The following SGIP1 variants were observed in gnomAD, a reference collection of about 807,000 sequenced individuals.
SGIP1 encodes SH3GL interacting endocytic adaptor 1.
Under a neutral mutation model 107.5 loss-of-function variants are expected in SGIP1, and 38 were observed. The ratio of observed to expected loss-of-function variants is 0.35; its 90% CI spans 0.27 to 0.46. The LOEUF is 0.46. Ranked by LOEUF, SGIP1 falls within the 20% of genes least tolerant of loss-of-function variation. SGIP1 has a pLI of 1.00. For synonymous variants in SGIP1, 365 were observed against 366.1 expected (o/e 1.00, Z 0.03); for missense variants, 929 against 1,019.5 (o/e 0.91, Z 1.21).
At chr1:66,632,586 C>T (rs553245353) in intron 2 of SGIP1, among the ~76,000 whole-genome samples, 6 of 152,256 alleles carry the variant, frequency 3.9e-5, no homozygotes, top group East Asian at 1.9e-4. Flanking sequence ...CTGGGTAGTA[C>T]GCTTTTGATT....
rs1157317505 is a variant in SGIP1 at position 66,682,152 on chromosome 1, T to C, written c.1098T>C (p.Pro366=). The C allele has an allele frequency of 1.5e-5, 24 of 1,614,072 alleles. No homozygotes were observed. Among genetic ancestry groups the C allele is most frequent in the Non-Finnish European group, 1.9e-5 (23 of 1,180,038 alleles). ...CAGGCCCCCCAGGGCCTCCTGGGCC[T>C]CCTCGCAATGTACTATCGCCGCTCA... ...GPTGPPGPPG[P]PRNVLSPLNL... Residue 366 remains proline, a synonymous_variant, in exon 15 of 25, where the codon CCT becomes CCC. Transcript: ENST00000371037.
intron 9 of SGIP1, among the ~76,000 whole-genome samples, chr1:66,668,870 G>A (rs2083165391): frequency 6.6e-6 from 1 of 152,200 alleles, no homozygotes; most frequent in Non-Finnish European, 1.5e-5. Context: ...CATTGAAAGG[G>A]GGAAAATACA....
intron 1 of SGIP1, among the ~76,000 whole-genome samples, chr1:66,566,450 T>C (rs2059654055): frequency 1.3e-5 from 2 of 152,032 alleles, no homozygotes; most frequent in African/African-American, 4.8e-5. Context: ...TTCTGTGGGA[T>C]GAGTTCTTTC....
At chr1:66,659,190 C>T (rs925879408) in intron 7 of SGIP1, among the ~76,000 whole-genome samples, 2 of 151,882 alleles carry the variant, frequency 1.3e-5, no homozygotes, top group African/African-American at 2.4e-5. Context: ...AAAATGATTC[C>T]GAGGATAGTG....
At chr1:66,683,873 TTTTTCAGTAGAGACAGGG>T (rs1242567193) in intron 15 of SGIP1, among the ~76,000 whole-genome samples, 3 of 151,894 alleles carry the variant, frequency 2.0e-5, no homozygotes, top group Admixed American at 6.6e-5. Context: ...CCAGCTACTT[TTTTTCAGTAGAGACAGGG>T]TTTTCAGTAG....
At chr1:66,658,999 A>G (rs2080343081) in intron 7 of SGIP1, among the ~76,000 whole-genome samples, 1 of 152,194 alleles carries the variant, frequency 6.6e-6, no homozygotes, top group Non-Finnish European at 1.5e-5. Context: ...CAAGAGAGCC[A>G]GGAGAGTGCA....
chr1:66,583,137 T>C (rs1381984630), intron 1 of SGIP1, among the ~76,000 whole-genome samples: 2 of 152,112 alleles, frequency 1.3e-5, no homozygotes, highest in Non-Finnish European at 2.9e-5. Context: ...AAGTGAGATA[T>C]GTCTATGCTA....
chr1:66,729,184 A>G lies in SGIP1; in HGVS notation c.1743-80A>G, dbSNP rs145168361. 1.0e-4 allele frequency: 155 copies of G among 1,508,996 alleles called. 2 individuals carry two copies. The East Asian group carries it at 3.4e-3, about 33-fold the overall frequency. 93.5% of individuals were successfully genotyped at this position (1,508,996 alleles called of 1,614,324 possible). On this transcript the variant is annotated intron_variant, in intron 19 of 24. Coordinates refer to ENST00000371037, the MANE Select transcript of SGIP1 (RefSeq NM_032291.4). ...TCTGCTATTTAACATTGCCTCATAA[A>G]TTGTTTTTCACAGCAGTTTTGATTC...
chr1:66,560,713 TA>T (rs1214406737), intron 1 of SGIP1, among the ~76,000 whole-genome samples: 1 of 151,998 alleles, frequency 6.6e-6, no homozygotes, highest in Non-Finnish European at 1.5e-5. Flanking sequence ...TGTTACTTTT[TA>T]AAAAAAGAAA....
At chr1:66,634,060 A>G (rs764335446) in intron 3 of SGIP1, 58 of 1,585,060 alleles carry the variant, frequency 3.7e-5, no homozygotes, top group Non-Finnish European at 4.8e-5. Context: ...GGGTAACACT[A>G]TAATCAAGGC....
intron 1 of SGIP1, among the ~76,000 whole-genome samples, chr1:66,608,879 TG>T (rs2067362974): frequency 6.6e-6 from 1 of 151,822 alleles, no homozygotes; most frequent in Non-Finnish European, 1.5e-5. Flanking sequence ...GGGTGTTTGC[TG>T]TATGTATGAT....
intron 7 of SGIP1, among the ~76,000 whole-genome samples, chr1:66,644,563 T>A (rs888827681): frequency 9.5e-6 from 1 of 104,788 alleles, no homozygotes; most frequent in Non-Finnish European, 1.8e-5. Context: ...TTTAGAGAGA[T>A]GTGATCTCGT....
Position 66,583,580 on chromosome 1 carries a change from A to AC in SGIP1, c.11-42264dup, listed in dbSNP as rs1373369376. On this transcript the variant is annotated intron_variant, in intron 1 of 24. Transcript: ENST00000371037. ...CAAGCACAATCCTTTAAGCCCAAATACCCTTTCATTAGGTAAACTTAAGAG... is the reference window on the plus strand; with the variant it reads ...CAAGCACAATCCTTTAAGCCCAAATACCCCTTTCATTAGGTAAACTTAAGAG... Among the ~76,000 whole-genome samples, 7 of 152,184 alleles carry AC rather than the reference A, an allele frequency of 4.6e-5. No homozygotes were observed. In the South Asian group the frequency reaches 1.0e-3, roughly 23 times the overall value.
intron 19 of SGIP1, among the ~76,000 whole-genome samples, chr1:66,725,708 C>T (rs1009013871): frequency 6.6e-6 from 1 of 152,192 alleles, no homozygotes; most frequent in African/African-American, 2.4e-5. Context: ...AGGCAGTGAT[C>T]CCTAAAAGGG....
At chr1:66,670,180 TGGTGGC>T (rs1422952471) in intron 9 of SGIP1, among the ~76,000 whole-genome samples, 6 of 152,238 alleles carry the variant, frequency 3.9e-5, no homozygotes, top group African/African-American at 1.4e-4. Flanking sequence ...TCTAGTTTTC[TGGTGGC>T]ATCCCACACT....
intron 8 of SGIP1, among the ~76,000 whole-genome samples, chr1:66,663,179 A>G (rs1023475031): frequency 2.0e-5 from 3 of 152,080 alleles, no homozygotes; most frequent in African/African-American, 7.2e-5. Flanking sequence ...GTTTTCCAGA[A>G]TCTCACAATG....
chr1:66,719,139 T>C (rs2150428714), intron 18 of SGIP1, among the ~76,000 whole-genome samples, 155 bp from the exon 19 acceptor site: 1 of 152,306 alleles, frequency 6.6e-6, no homozygotes, highest in East Asian at 1.9e-4. Flanking sequence ...ATACTTGAGC[T>C]CTATGTTGAA....
chr1:66,677,691 C>T (rs773915063), intron 13 of SGIP1, among the ~76,000 whole-genome samples: 15 of 152,168 alleles, frequency 9.9e-5, no homozygotes, highest in Non-Finnish European at 1.8e-4. Flanking sequence ...AGCCGTTCAC[C>T]GGTGGTGGGT....
At chr1:66,648,868 A>T (rs1457810214) in intron 7 of SGIP1, among the ~76,000 whole-genome samples, 1 of 152,180 alleles carries the variant, frequency 6.6e-6, no homozygotes, top group Admixed American at 6.5e-5. Flanking sequence ...GTGTAACCTT[A>T]GACAAGCCCC....
Sources: gnomAD v4.1 joint callset for allele counts (sites outside exome capture counted in the v4.1 genomes callset) on GRCh38, gnomAD v4.1.1 for gene constraint, MANE v1.5 for transcripts, NCBI Gene and HGNC (gene_info 2026-07-23, HGNC 2026-07-21) for gene names.